FAF1: variants seen among roughly 807,000 people sequenced by gnomAD.
The protein encoded by FAF1 is FAS-associated factor 1.
FAF1 carries 25 observed loss-of-function variants against 92.5 expected under a neutral mutation model. The ratio of observed to expected loss-of-function variants is 0.27; its 90% CI spans 0.20 to 0.38. The LOEUF is 0.38. Ranked by LOEUF, FAF1 falls within the 10% of genes least tolerant of loss-of-function variation. The probability of loss-of-function intolerance (pLI) is 1.00; values close to 1 mark genes in which losing one functional copy is unlikely to be tolerated. For missense variants in FAF1, 636 were observed against 793.3 expected, an observed-to-expected ratio of 0.80 and a Z score of 2.38; for synonymous variants, 234 against 273.2, an observed-to-expected ratio of 0.86 and a Z score of 1.42.
chr1:50,589,340 C>T (rs1370228461), intron 9 of FAF1, among the ~76,000 whole-genome samples: 1 of 151,932 alleles, frequency 6.6e-6, no homozygotes, highest in South Asian at 2.1e-4. Flanking sequence ...CTGAAAAATA[C>T]GAAGTCTGCT....
intron 2 of FAF1, among the ~76,000 whole-genome samples, chr1:50,842,317 G>T (rs1324856297): frequency 6.6e-6 from 1 of 152,030 alleles, no homozygotes; most frequent in Non-Finnish European, 1.5e-5. Flanking sequence ...TCAAGGGTCT[G>T]GGTAATTATT....
At chr1:50,453,549 C>T (rs945619584) in intron 18 of FAF1, among the ~76,000 whole-genome samples, 1 of 152,238 alleles carries the variant, frequency 6.6e-6, no homozygotes, top group Non-Finnish European at 1.5e-5. Context: ...CCAAGGCTCT[C>T]TCTGAGCTAT....
At chr1:50,743,031 C>G (rs1164664149) in intron 5 of FAF1, among the ~76,000 whole-genome samples, 2 of 152,244 alleles carry the variant, frequency 1.3e-5, no homozygotes, top group Admixed American at 1.3e-4. Context: ...CGATGTTTCA[C>G]ATATTGTCTA....
At chr1:50,618,052 T>G (rs1653009736) in intron 8 of FAF1, among the ~76,000 whole-genome samples, 2 of 152,150 alleles carry the variant, frequency 1.3e-5, no homozygotes, top group Admixed American at 1.3e-4. Context: ...CTTTTTTCCT[T>G]TGTTAATCTA....
intron 13 of FAF1, among the ~76,000 whole-genome samples, chr1:50,554,390 T>TATATAGAGAGAG: frequency 3.5e-4 from 33 of 93,678 alleles, no homozygotes; most frequent in East Asian, 9.4e-4. Flanking sequence ...TATATATATA[T>TATATAGAGAGAG]AGAGAGAGAG....
chr1:50,825,313 A>C (rs978241820), intron 2 of FAF1, among the ~76,000 whole-genome samples: 3 of 152,134 alleles, frequency 2.0e-5, no homozygotes, highest in Admixed American at 6.5e-5. Context: ...TAAAAATGTT[A>C]AAATGAAGTT....
intron 18 of FAF1, among the ~76,000 whole-genome samples, chr1:50,460,539 C>T (rs976329798): frequency 1.4e-4 from 21 of 151,956 alleles, no homozygotes; most frequent in African/African-American, 4.8e-4. Context: ...TGTTAATGAA[C>T]CAACAGTATA....
At chr1:50,749,161 A>G (rs1659744874) in intron 4 of FAF1, among the ~76,000 whole-genome samples, 1 of 152,186 alleles carries the variant, frequency 6.6e-6, no homozygotes, top group African/African-American at 2.4e-5. Flanking sequence ...AAACACATAT[A>G]AACATTGCCT....
At chr1:50,942,141 T>C (rs976293903) in intron 1 of FAF1, among the ~76,000 whole-genome samples, 2 of 152,224 alleles carry the variant, frequency 1.3e-5, no homozygotes, top group Non-Finnish European at 2.9e-5. Flanking sequence ...CTGTTACAAA[T>C]TAGATGGCAT....
chr1:50,574,190 A>C (rs1369124777), intron 12 of FAF1, among the ~76,000 whole-genome samples: 1 of 152,260 alleles, frequency 6.6e-6, no homozygotes, highest in Non-Finnish European at 1.5e-5. Flanking sequence ...CATTGGGTAT[A>C]GATCTTTATC....
rs1644476886 is a variant in FAF1 at position 50,865,828 on chromosome 1, T to TA, written c.46-7832dup. ...CATTGTGCACATGTACCCTAAAACT[T>TA]AAAGTATAATAATAATAAAAGAAAA... On this transcript the variant is annotated intron_variant, in intron 1 of 18. Transcript: ENST00000396153. 2.1e-5 allele frequency among the ~76,000 whole-genome samples: 3 copies of TA among 144,812 alleles called. No individual in the cohort carries two copies. In the South Asian group the frequency reaches 6.6e-4, roughly 32 times the overall value.
intron 2 of FAF1, among the ~76,000 whole-genome samples, chr1:50,803,227 G>A (rs1331841446): frequency 6.6e-6 from 1 of 152,160 alleles, no homozygotes; most frequent in Non-Finnish European, 1.5e-5. Flanking sequence ...AACAGTAAAT[G>A]GTTAAGAGAA....
chr1:50,610,732 A>G lies in FAF1; in HGVS notation c.745-14516T>C, dbSNP rs140704216. On this transcript the variant is annotated intron_variant, in intron 8 of 18. Coordinates refer to ENST00000396153, the MANE Select transcript of FAF1 (RefSeq NM_007051.3). ...CTCGGTTAGAAGTTCAAGAGAGCCC[A>G]TGGGAAGCCACACCCCTCACACCTG... Among the ~76,000 whole-genome samples the G allele has an allele frequency of 5.3e-5, 8 of 152,270 alleles. No homozygotes were observed. In the East Asian group the frequency reaches 1.5e-3, roughly 29 times the overall value.
At chr1:50,603,118 A>G (rs183156655) in intron 8 of FAF1, among the ~76,000 whole-genome samples, 10 of 152,318 alleles carry the variant, frequency 6.6e-5, no homozygotes, top group African/African-American at 1.7e-4. Flanking sequence ...TATCCAATCG[A>G]ACAACTATTA....
rs1484881359 is a variant in FAF1, at chr1:50,819,668, A to ACACACACACACT, written c.115-17992_115-17991insAGTGTGTGTGTG. 5.0e-4 allele frequency among the ~76,000 whole-genome samples: 60 copies of ACACACACACACT among 118,888 alleles called. 3 individuals carry two copies. Among genetic ancestry groups the ACACACACACACT allele is most frequent in the African/African-American group, 1.3e-3 (38 of 29,154 alleles). 78.0% of individuals were successfully genotyped at this position (118,888 alleles called of 152,430 possible). On this transcript the variant is annotated intron_variant, in intron 2 of 18. Transcript: ENST00000396153. ...CACACACACACACACACACACACAC[A>ACACACACACACT]CTCTCTCTCTGTATATATATATACA...
intron 6 of FAF1, among the ~76,000 whole-genome samples, chr1:50,729,377 A>G (rs1658824619): frequency 6.6e-6 from 1 of 150,598 alleles, no homozygotes; most frequent in Non-Finnish European, 1.5e-5. Context: ...TTTATTATCT[A>G]TGGTCACAAG....
intron 13 of FAF1, among the ~76,000 whole-genome samples, chr1:50,566,549 ATTT>A (rs1053406532): frequency 1.3e-5 from 2 of 151,658 alleles, no homozygotes; most frequent in African/African-American, 4.8e-5. Context: ...TAGGAAAGGA[ATTT>A]TTTTTTCCCT....
intron 8 of FAF1, among the ~76,000 whole-genome samples, chr1:50,600,591 T>C (rs867597321): frequency 1.2e-4 from 18 of 152,160 alleles, no homozygotes; most frequent in African/African-American, 4.3e-4. Context: ...AAGTTCTAGT[T>C]TAGTATCAAA....
At chr1:50,684,546 T>A (rs1288945244) in intron 7 of FAF1, among the ~76,000 whole-genome samples, 5 of 152,094 alleles carry the variant, frequency 3.3e-5, no homozygotes, top group African/African-American at 1.2e-4. Flanking sequence ...ACCAATGATA[T>A]ACCGGTAAAT....
Sources: gnomAD v4.1 joint callset for allele counts (sites outside exome capture counted in the v4.1 genomes callset) on GRCh38, gnomAD v4.1.1 for gene constraint, MANE v1.5 for transcripts, NCBI Gene and HGNC (gene_info 2026-07-23, HGNC 2026-07-21) for gene names.